The following OARD1 variants were observed in gnomAD, a reference collection of about 807,000 sequenced individuals.
OARD1 encodes O-acyl-ADP-ribose deacylase 1.
OARD1 carries 19 observed loss-of-function variants against 19.7 expected under a neutral mutation model. That is an observed-to-expected ratio of 0.96 (90% CI 0.67 to 1.41). OARD1 has a LOEUF of 1.41. OARD1 is among the 40% of genes most tolerant of loss of function. OARD1 has a pLI of 0.00. For synonymous variants in OARD1, 70 were observed against 61.8 expected (o/e 1.13, Z -0.62); for missense variants, 190 against 183.8 (o/e 1.03, Z -0.20).
intron 1 of OARD1, among the ~76,000 whole-genome samples, chr6:41,095,747 A>T (rs1376157367): frequency 1.3e-5 from 2 of 152,180 alleles, no homozygotes; most frequent in African/African-American, 4.8e-5. Flanking sequence ...TTTACAGTGT[A>T]ATAATATTTA....
chr6:41,093,843 C>G (rs1764269011), intron 1 of OARD1, among the ~76,000 whole-genome samples: 1 of 152,302 alleles, frequency 6.6e-6, no homozygotes, highest in Middle Eastern at 3.4e-3. Context: ...GTTACCTGAT[C>G]ACACCTAACA....
intron 1 of OARD1, among the ~76,000 whole-genome samples, chr6:41,079,521 C>T (rs1016992765): frequency 2.6e-5 from 4 of 152,168 alleles, no homozygotes; most frequent in African/African-American, 9.7e-5. Flanking sequence ...ACAGACAAAC[C>T]AACATAGCTT....
At chr6:41,096,111 C>G (rs988689015) in intron 1 of OARD1, among the ~76,000 whole-genome samples, 1 of 152,166 alleles carries the variant, frequency 6.6e-6, no homozygotes, top group Non-Finnish European at 1.5e-5. Flanking sequence ...CTGCCAGTCC[C>G]CAGGTCAAGG....
chr6:41,081,087 C>T (rs971835643), intron 1 of OARD1, among the ~76,000 whole-genome samples: 2 of 152,176 alleles, frequency 1.3e-5, no homozygotes, highest in African/African-American at 2.4e-5. Context: ...ATAGAGACCC[C>T]GTATCAACTT....
At chr6:41,086,530 T>TC (rs1764048866) in intron 1 of OARD1, among the ~76,000 whole-genome samples, 1 of 152,176 alleles carries the variant, frequency 6.6e-6, no homozygotes, top group Non-Finnish European at 1.5e-5. Flanking sequence ...GAGTTTTTTT[T>TC]CTCATTAGTG....
chr6:41,068,339 GT>G (rs1452711257), intron 5 of OARD1, among the ~76,000 whole-genome samples: 2 of 152,154 alleles, frequency 1.3e-5, no homozygotes, highest in Non-Finnish European at 2.9e-5. Context: ...AGTCTAAGAA[GT>G]TACATCAGGG....
chr6:41,097,352 T>G, intron 1 of OARD1: 1 of 1,613,954 alleles, frequency 6.2e-7, no homozygotes, highest in East Asian at 2.2e-5. Context: ...CATCTTTGTC[T>G]CTAGGATCCA....
chr6:41,084,251 T>C, intron 1 of OARD1: 1 of 1,572,882 alleles, frequency 6.4e-7, no homozygotes. Flanking sequence ...AAAGAATAGA[T>C]TATTACAACC....
At position 41,065,280 on chromosome 6, in the gene OARD1, TG is replaced by T. The variant is rs1326823582; in HGVS notation, c.*2054del. On this transcript the variant is annotated 3_prime_UTR_variant, in exon 6 of 6. Transcript: ENST00000424266. ...AGCCTAGAAAATCCATGTTTTGACTTGTGTTAAGGTTTACAGATGGTACTCA... is the reference window on the plus strand; with the variant it reads ...AGCCTAGAAAATCCATGTTTTGACTTTGTTAAGGTTTACAGATGGTACTCA... 2 of 152,190 alleles carry T rather than the reference TG, an allele frequency of 1.3e-5. No homozygotes were observed. Among genetic ancestry groups the T allele is most frequent in the Admixed American group, 1.3e-4 (2 of 15,280 alleles). The allele number at this position is 152,190 out of a possible 1,614,324, so 9.4% of individuals were successfully genotyped here.
Position 41,071,293 on chromosome 6 carries a change from G to A in OARD1, c.40-17C>T, listed in dbSNP as rs181771343. ...ATAAGTGATCTAAAAAATGTGCAAA[G>A]GAAAAGACAATGTTTTATTAGATAC... On this transcript the variant is annotated splice_polypyrimidine_tract_variant and intron_variant, in intron 2 of 5. Transcript: ENST00000424266. 7.1e-5 allele frequency: 114 copies of A among 1,611,350 alleles called. No individual in the cohort carries two copies. In the African/African-American group the frequency reaches 1.5e-3, roughly 21 times the overall value.
At chr6:41,092,485 C>T (rs900397682) in intron 1 of OARD1, among the ~76,000 whole-genome samples, 1 of 152,144 alleles carries the variant, frequency 6.6e-6, no homozygotes, top group African/African-American at 2.4e-5. Context: ...ACATTTAGTA[C>T]AGTGTTTTGG....
At position 41,066,606 on chromosome 6, in the gene OARD1, G is replaced by T. The variant is rs1763017872; in HGVS notation, c.*729C>A. On this transcript the variant is annotated 3_prime_UTR_variant, in exon 6 of 6. Coordinates refer to ENST00000424266, the MANE Select transcript of OARD1 (RefSeq NM_001329686.2). ...CACAGAAACCATGCAGTGGACAAAAGAGAGAAAAAGTTCACCATGAGGAGA... is the reference window on the plus strand; with the variant it reads ...CACAGAAACCATGCAGTGGACAAAATAGAGAAAAAGTTCACCATGAGGAGA... 6.6e-6 allele frequency: 1 copy of T among 152,132 alleles called. No homozygotes were observed. Among genetic ancestry groups the T allele is most frequent in the African/African-American group, 2.4e-5 (1 of 41,418 alleles). 9.4% of individuals were successfully genotyped at this position (152,132 alleles called of 1,614,324 possible).
At position 41,068,963 on chromosome 6, in the gene OARD1, A is replaced by C; in HGVS notation, c.244-10T>G. On this transcript the variant is annotated splice_polypyrimidine_tract_variant and intron_variant, in intron 4 of 5. Transcript: ENST00000424266. ...CCCTTTTCTTTGTAATCTGAACACAAAGGATTCAAACTTTCATCATCCCAA... is the reference window on the plus strand; with the variant it reads ...CCCTTTTCTTTGTAATCTGAACACACAGGATTCAAACTTTCATCATCCCAA... 1 of 1,485,156 alleles carries C rather than the reference A, an allele frequency of 6.7e-7. No individual in the cohort carries two copies. The highest frequency in any genetic ancestry group is 9.3e-7 in the Non-Finnish European group (1 of 1,079,208). 92.0% of individuals were successfully genotyped at this position (1,485,156 alleles called of 1,614,324 possible).
At chr6:41,072,379 G>C (rs1481981792), upstream of OARD1, 1 of 152,376 alleles carries the variant, frequency 6.6e-6, no homozygotes, top group Non-Finnish European at 1.5e-5. Flanking sequence ...CCGCGGGGAA[G>C]GGCTCCGGAT....
At chr6:41,094,490 A>G (rs1764292230) in intron 1 of OARD1, 3 of 1,612,706 alleles carry the variant, frequency 1.9e-6, no homozygotes, top group Non-Finnish European at 2.5e-6. Flanking sequence ...GATAGTCCCC[A>G]TATGCAGGTA....
intron 3 of OARD1, among the ~76,000 whole-genome samples, chr6:41,070,549 AG>A (rs1257172615): frequency 2.0e-5 from 3 of 152,274 alleles, no homozygotes; most frequent in Non-Finnish European, 4.4e-5. Context: ...TATATAAAAA[AG>A]GAATTAATTA....
intron 5 of OARD1, 49 bp downstream of exon 5, chr6:41,068,792 A>C: frequency 9.8e-7 from 1 of 1,018,706 alleles, no homozygotes; most frequent in East Asian, 2.6e-5. Flanking sequence ...TAAGATAGTA[A>C]ACCCCACCAA....
At chr6:41,079,363 T>G (rs1181846718) in intron 1 of OARD1, among the ~76,000 whole-genome samples, 1 of 152,250 alleles carries the variant, frequency 6.6e-6, no homozygotes, top group Non-Finnish European at 1.5e-5. Context: ...CTGGTTATAG[T>G]AAATTGCCTC....
intron 1 of OARD1, among the ~76,000 whole-genome samples, chr6:41,078,149 T>A (rs1429732441): frequency 6.6e-6 from 1 of 152,196 alleles, no homozygotes; most frequent in African/African-American, 2.4e-5. Context: ...CATTCATCCA[T>A]TTTTTGATGC....
Sources: gnomAD v4.1 joint callset for allele counts (sites outside exome capture counted in the v4.1 genomes callset) on GRCh38, gnomAD v4.1.1 for gene constraint, MANE v1.5 for transcripts, NCBI Gene and HGNC (gene_info 2026-07-23, HGNC 2026-07-21) for gene names.